WDR49: variants seen among roughly 807,000 people sequenced by gnomAD.
The protein encoded by WDR49 is WD repeat domain 49.
Under a neutral mutation model 119.5 loss-of-function variants are expected in WDR49, and 107 were observed. That is an observed-to-expected ratio of 0.90 (90% confidence interval 0.77 to 1.05). The LOEUF (loss-of-function observed/expected upper bound fraction) is 1.05, where lower values mean the gene tolerates loss of function less well. WDR49 is among the 50% of genes least tolerant of loss of function. WDR49 has a pLI of 0.00. For missense variants in WDR49, 1,240 were observed against 1,220.5 expected, an observed-to-expected ratio of 1.02 and a Z score of -0.24; for synonymous variants, 425 against 418.8, an observed-to-expected ratio of 1.01 and a Z score of -0.18.
intron 10 of WDR49, among the ~76,000 whole-genome samples, chr3:167,546,430 A>G (rs1167589736): frequency 6.6e-6 from 1 of 151,902 alleles, no homozygotes; most frequent in African/African-American, 2.4e-5. Context: ...ACTGTTTTTA[A>G]GTTTATACTT....
In WDR49 at chr3:167,602,179, G is replaced by T. The variant is rs139103800; in HGVS notation, c.1223C>A (p.Ala408Asp). 17 of 1,605,792 alleles carry T rather than the reference G, an allele frequency of 1.1e-5. No homozygotes were observed. In the Admixed American group the frequency reaches 1.3e-4, roughly 13 times the overall value. The change falls in exon 7 of 19, where the codon GCC (alanine) becomes GAC (aspartate). Residue 408 changes from alanine to aspartate, a missense_variant. Coordinates refer to ENST00000682715, the MANE Select transcript of WDR49 (RefSeq NM_001366157.1). ...TTTTCTTTCCACAAAGAATTGGACG[G>T]CTATTACACTGGCTGAGTGGCCCCA... The part of the protein sequence containing the change: ...VLWGHSASVI[A>D]VQFFVERKQL...
At chr3:167,562,264 G>T (rs1203150734) in intron 8 of WDR49, among the ~76,000 whole-genome samples, 1 of 152,112 alleles carries the variant, frequency 6.6e-6, no homozygotes, top group African/African-American at 2.4e-5. Flanking sequence ...GAACAAACTG[G>T]GGTTTTGGGA....
In WDR49 at chr3:167,532,877, AC is replaced by A. The variant is rs1342963114; in HGVS notation, c.2053+1del. On this transcript the variant is annotated splice_donor_variant, in intron 12 of 18. Coordinates refer to ENST00000682715, the MANE Select transcript of WDR49 (RefSeq NM_001366157.1). LOFTEE classifies it high-confidence loss of function. ...TTATTTTCGTTTCAAACTCACACTT[AC>A]CTAATTTTGACTTTAGCAACCTCTG... 3 of 1,606,910 alleles carry A rather than the reference AC, an allele frequency of 1.9e-6. No homozygotes were observed. Among genetic ancestry groups the A allele is most frequent in the East Asian group, 4.5e-5 (2 of 44,652 alleles).
At chr3:167,492,327 A>T (rs1458565069) in intron 18 of WDR49, among the ~76,000 whole-genome samples, 1 of 152,118 alleles carries the variant, frequency 6.6e-6, no homozygotes, top group Non-Finnish European at 1.5e-5. Context: ...TACTATTTGA[A>T]CAGGGGAGGC....
At position 167,621,564 on chromosome 3, in the gene WDR49, A is replaced by G; in HGVS notation, c.686T>C (p.Leu229Pro). 3 of 1,535,536 alleles carry G rather than the reference A, an allele frequency of 2.0e-6. No homozygotes were observed. Among genetic ancestry groups the G allele is most frequent in the Non-Finnish European group, 2.6e-6 (3 of 1,146,462 alleles). The change falls in exon 4 of 19, where the codon CTC (leucine) becomes CCC (proline). Residue 229 changes from leucine to proline, a missense_variant. Physicochemically the swap from Leu to Pro is moderately conservative, Grantham distance 98 (BLOSUM62 -3). Coordinates refer to ENST00000682715, the MANE Select transcript of WDR49 (RefSeq NM_001366157.1). ...AATTGGTGTTCCTTTCAGGCCTTGG[A>G]GTTTGTATTGGCAAGCAAATTCTTC... ...SKEEFACQYK[L>P]QGLKGTPICM...
chr3:167,487,497 A>G (rs1750970505), intron 18 of WDR49, among the ~76,000 whole-genome samples: 1 of 152,182 alleles, frequency 6.6e-6, no homozygotes, highest in Admixed American at 6.6e-5. Context: ...AGCCCCCAAA[A>G]GCAACGGTAA....
chr3:167,486,508 C>A (rs368655847), intron 18 of WDR49, among the ~76,000 whole-genome samples: 1 of 152,034 alleles, frequency 6.6e-6, no homozygotes, highest in Non-Finnish European at 1.5e-5. Context: ...TTCAAGAGAC[C>A]CATCTCACAT....
chr3:167,653,343 G>A lies in WDR49; in HGVS notation c.83C>T (p.Thr28Ile). 2 of 1,536,154 alleles carry A rather than the reference G, an allele frequency of 1.3e-6. No homozygotes were observed. The highest frequency in any genetic ancestry group is 1.7e-6 in the Non-Finnish European group (2 of 1,146,896). Residue 28 changes from threonine to isoleucine, a missense_variant, in exon 2 of 19, where the codon ACT becomes ATT. Thr to Ile is a moderately conservative substitution (Grantham distance 89). Transcript: ENST00000682715. ...GCCTGTGCCATAGTCTTCAAATGCAGTTACACCTTCTGTTCTCTCAGGACT... is the reference window on the plus strand; with the variant it reads ...GCCTGTGCCATAGTCTTCAAATGCAATTACACCTTCTGTTCTCTCAGGACT... ...PKSPERTEGV[T>I]AFEDYGTGLL...
At chr3:167,481,620 G>A (rs1260351171) in intron 18 of WDR49, among the ~76,000 whole-genome samples, 5 of 152,100 alleles carry the variant, frequency 3.3e-5, no homozygotes, top group Non-Finnish European at 2.9e-5. Flanking sequence ...AGACACACCC[G>A]AAACTGGGGA....
rs1173767409 is a variant in WDR49 at position 167,527,972 on chromosome 3, T to A, written c.2452A>T (p.Thr818Ser). Residue 818 changes from threonine (T) to serine (S), a missense_variant, in exon 15 of 19, where the codon ACT (threonine) becomes TCT (serine). By Grantham distance (58) the Thr-to-Ser change is moderately conservative. Transcript: ENST00000682715. ...TGAGGTTGGAATGATCTTATCAGAG[T>A]TGGGGCCTTGGTGATTTTGTTCTTA... Reference protein sequence around the residue: ...SSKNKITKAPTLIRSFQPHED... With the variant: ...SSKNKITKAPSLIRSFQPHED... 1.2e-5 allele frequency: 20 copies of A among 1,613,008 alleles called. No individual in the cohort carries two copies. The highest frequency in any genetic ancestry group is 1.7e-5 in the Non-Finnish European group (20 of 1,179,484).
chr3:167,496,277 T>A (rs1019990234), intron 18 of WDR49, among the ~76,000 whole-genome samples: 1 of 152,094 alleles, frequency 6.6e-6, no homozygotes, highest in African/African-American at 2.4e-5. Context: ...AAATGCCGAG[T>A]CCTTAGCATA....
At chr3:167,500,075 A>G in intron 18 of WDR49, 78 bp downstream of exon 18, 5 of 1,400,924 alleles carry the variant, frequency 3.6e-6, no homozygotes, top group Non-Finnish European at 4.7e-6. Flanking sequence ...TGTTATTTTC[A>G]TGCTCTTCTA....
chr3:167,643,804 A>G (rs1717992453), intron 2 of WDR49, among the ~76,000 whole-genome samples: 1 of 152,092 alleles, frequency 6.6e-6, no homozygotes, highest in Admixed American at 6.6e-5. Flanking sequence ...ATTCTCTTCT[A>G]TATTGAGGAA....
At chr3:167,557,158 C>T (rs887036574) in intron 9 of WDR49, among the ~76,000 whole-genome samples, 2 of 152,114 alleles carry the variant, frequency 1.3e-5, no homozygotes, top group Non-Finnish European at 2.9e-5. Flanking sequence ...GATCATCCCA[C>T]TGCACTCCAG....
At position 167,522,439 on chromosome 3, in the gene WDR49, C is replaced by T. The variant is rs1455497358; in HGVS notation, c.2650G>A (p.Asp884Asn). Reference protein sequence around the residue: ...IENCLFLPKRDTNLVESEIQK... With the variant: ...IENCLFLPKRNTNLVESEIQK... ...ATCTCACTTTCCACTAAATTAGTAT[C>T]TCTTTTAGGAAGGAAAAGGCAGTTT... The change falls in exon 16 of 19, where the codon GAT becomes AAT. Residue 884 changes from aspartate to asparagine, a missense_variant. Physicochemically the swap from Asp to Asn is conservative, Grantham distance 23. Coordinates refer to ENST00000682715, the MANE Select transcript of WDR49 (RefSeq NM_001366157.1). 6.2e-7 allele frequency: 1 copy of T among 1,609,588 alleles called. No individual in the cohort carries two copies. Among genetic ancestry groups the T allele is most frequent in the South Asian group, 1.1e-5 (1 of 89,910 alleles).
chr3:167,524,491 C>G (rs1004213294), intron 15 of WDR49, among the ~76,000 whole-genome samples: 1 of 152,018 alleles, frequency 6.6e-6, no homozygotes, highest in Admixed American at 6.6e-5. Flanking sequence ...ATGCCTATGT[C>G]CTGTATGGTT....
rs115708914 is a variant in WDR49, at chr3:167,635,915, T to A, written c.166-8623A>T. The stretch of plus-strand genomic sequence containing the variant: ...TCAGTCAACAAATGTTTATTAAGTG[T>A]CTGTTCCATGCCAAACATTATTCTA... On this transcript the variant is annotated intron_variant, in intron 2 of 18. Transcript: ENST00000682715. Among the ~76,000 whole-genome samples the A allele has an allele frequency of 8.1e-3, 1,223 of 151,866 alleles. 13 individuals are homozygous for A. Among genetic ancestry groups the A allele is most frequent in the African/African-American group, 0.028 (1,166 of 41,514 alleles).
chr3:167,605,646 T>A (rs1244960557), intron 5 of WDR49, among the ~76,000 whole-genome samples: 1 of 152,174 alleles, frequency 6.6e-6, no homozygotes, highest in African/African-American at 2.4e-5. Context: ...AAGAAATCAG[T>A]GTGACTTTCA....
intron 7 of WDR49, among the ~76,000 whole-genome samples, chr3:167,576,905 A>G (rs1714279878): frequency 6.6e-6 from 1 of 152,144 alleles, no homozygotes; most frequent in Non-Finnish European, 1.5e-5. Context: ...GTGTGTGTAG[A>G]TACATGTATC....
Sources: gnomAD v4.1 joint callset for allele counts (sites outside exome capture counted in the v4.1 genomes callset) on GRCh38, gnomAD v4.1.1 for gene constraint, MANE v1.5 for transcripts, NCBI Gene and HGNC (gene_info 2026-07-23, HGNC 2026-07-21) for gene names.